TTC19: variants seen among roughly 807,000 people sequenced by gnomAD.
The protein encoded by TTC19 is tetratricopeptide repeat protein 19, mitochondrial.
A neutral mutation model predicts 49.5 loss-of-function variants in TTC19; 38 were observed. The observed-to-expected ratio is 0.77, with a 90% confidence interval of 0.59 to 1.01. TTC19 has a LOEUF of 1.01. Ranked by LOEUF, TTC19 falls within the 50% of genes least tolerant of loss-of-function variation. The pLI is 0.00. For missense variants in TTC19, 475 were observed against 477.7 expected (o/e 0.99, Z 0.05); for synonymous variants, 204 against 185.2 (o/e 1.10, Z -0.83).
chr17:16,039,309 C>G, intron 2 of TTC19: 1 of 917,172 alleles, frequency 1.1e-6, no homozygotes, highest in South Asian at 1.7e-5. Context: ...AACGGAAACC[C>G]TAAGAGGTGA....
At position 15,999,826 on chromosome 17, in the gene TTC19, T is replaced by G. The variant is rs1469328055; in HGVS notation, c.-23T>G. Reference sequence around the variant, plus strand: ...GGCCAGGAGCGCGTCTGGCCTGCAGTGCGCAGAGGACGCGGCGGGAGCATG... The same window carrying G: ...GGCCAGGAGCGCGTCTGGCCTGCAGGGCGCAGAGGACGCGGCGGGAGCATG... On this transcript the variant is annotated 5_prime_UTR_variant, in exon 1 of 10. Transcript: ENST00000261647. The G allele has an allele frequency of 2.6e-6, 4 of 1,545,360 alleles. No individual in the cohort carries two copies. The highest frequency in any genetic ancestry group is 3.5e-6 in the Non-Finnish European group (4 of 1,154,300).
rs1971503377 is a variant in TTC19, at chr17:16,025,018, G to A, written c.678G>A (p.Val226=). The A allele has an allele frequency of 1.2e-6, 2 of 1,613,696 alleles. No homozygotes were observed. The highest frequency in any genetic ancestry group is 1.7e-5 in the Admixed American group (1 of 59,990). ...EKELAEDIMS[V]EEKANTHLLL... ...TGCTGATTCCTCTTTTCTCCTTAGT[G>A]GAAGAGAAAGCCAATACCCACCTCC... The change falls in exon 8 of 10, where the codon GTG becomes GTA. Residue 226 remains valine, a splice_region_variant and synonymous_variant. Coordinates refer to ENST00000261647, the MANE Select transcript of TTC19 (RefSeq NM_017775.4).
At chr17:16,000,323 C>T in intron 2 of TTC19, 78 bp downstream of exon 2, 2 of 1,561,060 alleles carry the variant, frequency 1.3e-6, no homozygotes, top group South Asian at 2.3e-5. Context: ...CTGCGCATTA[C>T]TCTCTCCGCC....
At chr17:16,034,946 T>C in intron 2 of TTC19, 1 of 1,613,396 alleles carries the variant, frequency 6.2e-7, no homozygotes, top group Non-Finnish European at 8.5e-7. Context: ...AAACTCCTCC[T>C]GAAAGTGAAA....
At chr17:16,044,788 TG>T in exon 3 of TTC19, 1 of 1,092,232 alleles carries the variant, frequency 9.2e-7, no homozygotes, top group Non-Finnish European at 1.4e-6. Context: ...ATGTCAACAT[TG>T]GGAGCCTCAT....
chr17:16,027,125 C>T, intron 9 of TTC19: 1 of 551,842 alleles, frequency 1.8e-6, no homozygotes, highest in Non-Finnish European at 3.2e-6. Context: ...GTGTATTACA[C>T]ATACCACCAT....
At chr17:16,029,574 T>TA (rs1259196407), downstream of TTC19, 5 of 202,430 alleles carry the variant, frequency 2.5e-5, no homozygotes, top group East Asian at 2.6e-4. Context: ...TTCTGGGTGC[T>TA]AAAAAAATCA....
At chr17:16,021,430 C>T (rs1374010102) in intron 7 of TTC19, among the ~76,000 whole-genome samples, 1 of 152,158 alleles carries the variant, frequency 6.6e-6, no homozygotes, top group African/African-American at 2.4e-5. Context: ...CCTCATGGAG[C>T]TACATTTCTG....
chr17:16,011,292 T>C (rs1191086927), intron 7 of TTC19, among the ~76,000 whole-genome samples: 2 of 152,206 alleles, frequency 1.3e-5, no homozygotes, highest in Non-Finnish European at 2.9e-5. Context: ...GCAATTCTCA[T>C]GCCTCTGCTT....
chr17:16,030,916 A>G (rs1971864190), downstream of TTC19: 2 of 194,148 alleles, frequency 1.0e-5, no homozygotes, highest in South Asian at 3.9e-4. Flanking sequence ...TAAAGTGCTA[A>G]TTTTTATCAT....
chr17:16,004,247 A>G lies in TTC19; in HGVS notation c.566A>G (p.Tyr189Cys), dbSNP rs1406450785. Residue 189 changes from tyrosine (Y) to cysteine (C), a missense_variant, in exon 6 of 10, where the codon TAT becomes TGT. Tyr to Cys is a radical substitution (Grantham distance 194). Coordinates refer to ENST00000261647, the MANE Select transcript of TTC19 (RefSeq NM_017775.4). ...IEISLKLASI[Y>C]AAQNRQEFAV... is the part of the protein sequence containing the mutation. ...ATTTCCCTAAAGCTGGCCAGTATCT[A>G]TGCTGCGCAGAACAGGTAAGTACAG... The G allele has an allele frequency of 3.1e-6, 5 of 1,614,088 alleles. No homozygotes were observed. The highest frequency in any genetic ancestry group is 1.7e-5 in the Admixed American group (1 of 60,014).
At chr17:16,014,287 T>C (rs1311810922) in intron 7 of TTC19, among the ~76,000 whole-genome samples, 1 of 152,212 alleles carries the variant, frequency 6.6e-6, no homozygotes, top group African/African-American at 2.4e-5. Flanking sequence ...TGGATTATCA[T>C]GATTGGCTAA....
rs1382671667 is a variant in TTC19 at position 16,029,027 on chromosome 17, A to G, written c.*1505A>G. ...CTAGCTCAGAGAGATAAGATACAAT[A>G]TAAATCAGACTGTTTCAGTAGAAAC... On this transcript the variant is annotated 3_prime_UTR_variant, in exon 10 of 10. Coordinates refer to ENST00000261647, the MANE Select transcript of TTC19 (RefSeq NM_017775.4). 4.5e-6 allele frequency: 2 copies of G among 449,136 alleles called. No homozygotes were observed. Among genetic ancestry groups the G allele is most frequent in the African/African-American group, 4.0e-5 (2 of 49,676 alleles). 27.8% of individuals were successfully genotyped at this position (449,136 alleles called of 1,614,324 possible).
In TTC19 at chr17:16,028,123, A is replaced by G. The variant is rs373939555; in HGVS notation, c.*601A>G. On this transcript the variant is annotated 3_prime_UTR_variant, in exon 10 of 10. Transcript: ENST00000261647. ...CACGTGACAGTATAGCACCCATTTGAATTTAAATAAAAGTGAACCATATTT... is the reference window on the plus strand; with the variant it reads ...CACGTGACAGTATAGCACCCATTTGGATTTAAATAAAAGTGAACCATATTT... 15 of 454,002 alleles carry G rather than the reference A, an allele frequency of 3.3e-5. No individual in the cohort carries two copies. In the East Asian group the frequency reaches 6.9e-4, roughly 21 times the overall value. The allele number at this position is 454,002 out of a possible 1,614,324, so 28.1% of individuals were successfully genotyped here.
At chr17:16,007,105 C>T (rs1172107958) in intron 7 of TTC19, among the ~76,000 whole-genome samples, 3 of 152,038 alleles carry the variant, frequency 2.0e-5, no homozygotes, top group African/African-American at 7.2e-5. Flanking sequence ...TATTCAATAC[C>T]TACTCTATAC....
chr17:16,015,191 C>T (rs1223521661), intron 7 of TTC19, among the ~76,000 whole-genome samples: 1 of 152,090 alleles, frequency 6.6e-6, no homozygotes, highest in African/African-American at 2.4e-5. Context: ...ATGGTCTGTT[C>T]CTTGAAAGTT....
intron 2 of TTC19, among the ~76,000 whole-genome samples, chr17:16,042,337 G>T (rs1324954849): frequency 1.3e-5 from 2 of 152,186 alleles, no homozygotes; most frequent in Non-Finnish European, 2.9e-5. Flanking sequence ...GCAGTTATTT[G>T]ACTGAATTGT....
chr17:16,019,169 C>T (rs1971297775), intron 7 of TTC19, among the ~76,000 whole-genome samples: 1 of 152,106 alleles, frequency 6.6e-6, no homozygotes, highest in African/African-American at 2.4e-5. Flanking sequence ...CTTGTCTCTA[C>T]TAAAAATACA....
chr17:16,039,345 A>G, intron 2 of TTC19: 1 of 1,258,128 alleles, frequency 7.9e-7, no homozygotes, highest in African/African-American at 1.5e-5. Flanking sequence ...GACATAAATG[A>G]AATGTCTTAG....
Sources: allele counts gnomAD v4.1 joint callset (sites outside exome capture counted in the v4.1 genomes callset), GRCh38; gene constraint gnomAD v4.1.1; transcripts MANE v1.5; gene names NCBI Gene and HGNC (gene_info 2026-07-23, HGNC 2026-07-21).